RCBTB2: variants seen among roughly 807,000 people sequenced by gnomAD.
RCBTB2 encodes RCC1 and BTB domain containing protein 2.
A neutral mutation model predicts 65.4 loss-of-function variants in RCBTB2; 55 were observed. The ratio of observed to expected loss-of-function variants is 0.84; its 90% confidence interval spans 0.68 to 1.05. The LOEUF is 1.05. RCBTB2 is among the 50% of genes least tolerant of loss of function. The pLI is 0.00. For missense variants in RCBTB2, 599 were observed against 680.1 expected, an observed-to-expected ratio of 0.88 and a Z score of 1.33; for synonymous variants, 220 against 255.2, an observed-to-expected ratio of 0.86 and a Z score of 1.31.
intron 2 of RCBTB2, among the ~76,000 whole-genome samples, chr13:48,524,142 C>T (rs1442495535): frequency 6.6e-6 from 1 of 151,570 alleles, no homozygotes; most frequent in Non-Finnish European, 1.5e-5. Flanking sequence ...CAATGTGATG[C>T]ATACATAATA....
chr13:48,493,313 A>ACTTCTCTCT (rs1213235186), intron 14 of RCBTB2, among the ~76,000 whole-genome samples: 6 of 60,058 alleles, frequency 1.0e-4, no homozygotes, highest in Non-Finnish European at 1.6e-4. Context: ...ACACACACAC[A>ACTTCTCTCT]CACTCTCTCT....
intron 11 of RCBTB2, 94 bp downstream of exon 11, chr13:48,502,630 A>C: frequency 4.9e-5 from 58 of 1,185,314 alleles, no homozygotes; most frequent in Non-Finnish European, 6.0e-5. Flanking sequence ...AAATTATGAT[A>C]GTGCACCTAA....
chr13:48,501,161 G>A lies in RCBTB2; in HGVS notation c.1244+581C>T, dbSNP rs563255389. Among the ~76,000 whole-genome samples the A allele has an allele frequency of 3.3e-5, 5 of 152,308 alleles. No individual in the cohort carries two copies. The South Asian group carries it at 1.0e-3, about 32-fold the overall frequency. On this transcript the variant is annotated intron_variant, in intron 12 of 14. Transcript: ENST00000344532. ...TTGAAGGGTGATGGGAATGTTCTCT[G>A]TCTGGATGTGGGGCAGTGGTTTCAC...
At chr13:48,534,756 A>T (rs902972258), upstream of RCBTB2, among the ~76,000 whole-genome samples, 2 of 152,258 alleles carry the variant, frequency 1.3e-5, no homozygotes, top group African/African-American at 4.8e-5. Context: ...ATCACATATA[A>T]GTTTCCTTCA....
intron 13 of RCBTB2, among the ~76,000 whole-genome samples, chr13:48,499,031 T>C (rs937800828): frequency 2.6e-5 from 4 of 151,802 alleles, no homozygotes; most frequent in Non-Finnish European, 4.4e-5. Context: ...TGAACCAATA[T>C]AATAACTGAT....
In RCBTB2 at chr13:48,528,297, GA is replaced by G. The variant is rs201227068; in HGVS notation, c.-218-3541del. ...TAGAAGTGATTACAGAAGAAGGGGT[GA>G]AAAAAAATAGCAATTCCTGCAGAGA... On this transcript the variant is annotated intron_variant, in intron 1 of 14. Transcript: ENST00000344532. 5.8e-3 allele frequency among the ~76,000 whole-genome samples: 887 copies of G among 151,784 alleles called. 6 individuals are homozygous for G. Among genetic ancestry groups the G allele is most frequent in the Non-Finnish European group, 9.7e-3 (660 of 67,878 alleles).
intron 9 of RCBTB2, 147 bp downstream of exon 9, chr13:48,511,623 G>C (rs1950798712): frequency 1.5e-6 from 1 of 673,828 alleles, no homozygotes; most frequent in Admixed American, 3.3e-5. Flanking sequence ...TTTAATTCAA[G>C]GAAAAAGAGA....
chr13:48,518,573 A>T (rs979882879), intron 4 of RCBTB2, among the ~76,000 whole-genome samples: 16 of 150,770 alleles, frequency 1.1e-4, no homozygotes, highest in African/African-American at 3.9e-4. Flanking sequence ...ATTCAAAAAA[A>T]AATCTCACAT....
chr13:48,503,590 A>G (rs1192727389), intron 10 of RCBTB2, among the ~76,000 whole-genome samples: 1 of 151,910 alleles, frequency 6.6e-6, no homozygotes, highest in Non-Finnish European at 1.5e-5. Context: ...CACCCAGGCT[A>G]GAGTGCAGTG....
chr13:48,514,929 G>T (rs117731127), intron 6 of RCBTB2, among the ~76,000 whole-genome samples: 2 of 152,278 alleles, frequency 1.3e-5, no homozygotes, highest in East Asian at 3.9e-4. Flanking sequence ...CATAGATCAA[G>T]AATCCAAAGT....
At chr13:48,515,056 T>C in intron 6 of RCBTB2, 149 bp downstream of exon 6, 1 of 714,404 alleles carries the variant, frequency 1.4e-6, no homozygotes. Context: ...CACATCACCT[T>C]ATGCTGGCAT....
chr13:48,532,744 A>G, intron 1 of RCBTB2: 1 of 299,328 alleles, frequency 3.3e-6, no homozygotes, highest in South Asian at 2.4e-5. Flanking sequence ...GGCCCACGCC[A>G]GCGGAATTGC....
intron 10 of RCBTB2, among the ~76,000 whole-genome samples, chr13:48,510,183 T>C (rs1950700746): frequency 6.6e-6 from 1 of 152,226 alleles, no homozygotes; most frequent in East Asian, 1.9e-4. Context: ...GAAATAACCC[T>C]ATCCTTCTCA....
chr13:48,498,716 G>A lies in RCBTB2; in HGVS notation c.1384+905C>T, dbSNP rs191643564. On this transcript the variant is annotated intron_variant, in intron 13 of 14. Transcript: ENST00000344532. ...TTGCACTCCAGCCTGGGCAACAAGA[G>A]TGAAACTCTGTCTCAAAAAAAAAAA... Among the ~76,000 whole-genome samples, 293 of 149,614 alleles carry A rather than the reference G, an allele frequency of 2.0e-3. 3 individuals carry two copies. Among genetic ancestry groups the A allele is most frequent in the Middle Eastern group, 3.4e-3 (1 of 294 alleles).
chr13:48,526,439 G>C (rs182439876), intron 1 of RCBTB2, among the ~76,000 whole-genome samples: 250 of 152,278 alleles, frequency 1.6e-3, no homozygotes, highest in Non-Finnish European at 2.9e-3. Flanking sequence ...GGGAGGCTAA[G>C]ATAGGTGGAT....
intron 1 of RCBTB2, chr13:48,532,194 T>C (rs1952170860): frequency 6.6e-6 from 1 of 152,236 alleles, no homozygotes; most frequent in African/African-American, 2.4e-5. Context: ...AACTCAGTTC[T>C]TTCTCCGCCA....
chr13:48,522,051 A>G (rs1178573858), intron 3 of RCBTB2, 89 bp from the exon 4 acceptor site: 2 of 1,082,846 alleles, frequency 1.8e-6, no homozygotes, highest in Non-Finnish European at 2.7e-6. Context: ...ATTAGCAGGG[A>G]AAATAAGCTA....
chr13:48,493,360 C>T (rs1389505573), intron 14 of RCBTB2, among the ~76,000 whole-genome samples: 1 of 143,868 alleles, frequency 7.0e-6, no homozygotes, highest in African/African-American at 2.6e-5. Context: ...CTCTCTCACC[C>T]TCTCTCTCTC....
rs201714440 is a variant in RCBTB2, at chr13:48,501,858, G to A, written c.1128C>T (p.Asp376=). The part of the protein sequence containing the change: ...TWRLLSVEPD[D]HLTVAESLKR... ...TCAGTGACTCAGCCACTGTGAGGTGGTCATCAGGTTCTAGGAGAATAATGC... is the reference window on the plus strand; with the variant it reads ...TCAGTGACTCAGCCACTGTGAGGTGATCATCAGGTTCTAGGAGAATAATGC... The change falls in exon 12 of 15, where the codon GAC becomes GAT. Residue 376 remains aspartate, a synonymous_variant. Transcript: ENST00000344532. 1.2e-6 allele frequency: 2 copies of A among 1,613,868 alleles called. No homozygotes were observed. The highest frequency in any genetic ancestry group is 4.5e-5 in the East Asian group (2 of 44,872).
Sources: gnomAD v4.1 joint callset for allele counts (sites outside exome capture counted in the v4.1 genomes callset) on GRCh38, gnomAD v4.1.1 for gene constraint, MANE v1.5 for transcripts, NCBI Gene and HGNC (gene_info 2026-07-23, HGNC 2026-07-21) for gene names.